VPS41: variants seen among roughly 807,000 people sequenced by gnomAD.
The protein encoded by VPS41 is VPS41 subunit of HOPS complex, also known as vacuolar protein sorting-associated protein 41 homolog.
In VPS41, 85 loss-of-function variants were observed where a neutral mutation model predicts 130.9. The observed-to-expected ratio is 0.65, with a 90% confidence interval of 0.55 to 0.78. The LOEUF (loss-of-function observed/expected upper bound fraction) is 0.78. VPS41 is among the 30% of genes least tolerant of loss of function. The pLI is 0.00. For synonymous variants in VPS41, 335 were observed against 332.9 expected (o/e 1.01, Z -0.07); for missense variants, 874 against 1,018.7 (o/e 0.86, Z 1.93).
chr7:38,799,921 T>TG (rs1562591181), intron 7 of VPS41, among the ~76,000 whole-genome samples: 2 of 151,024 alleles, frequency 1.3e-5, no homozygotes, highest in Admixed American at 1.3e-4. Flanking sequence ...GTATGTGGGG[T>TG]GGGGGGTACA....
Position 38,723,995 on chromosome 7 carries a change from G to A in VPS41, c.*2251C>T, listed in dbSNP as rs1795487508. On this transcript the variant is annotated 3_prime_UTR_variant, in exon 29 of 29. Coordinates refer to ENST00000310301, the MANE Select transcript of VPS41 (RefSeq NM_014396.4). ...AGAAAAGACATTCTAAGGAACGAAA[G>A]CTAGTGTTTTTTATTAACGATAAAA... The A allele has an allele frequency of 6.6e-6, 1 of 152,120 alleles. No homozygotes were observed. Among genetic ancestry groups the A allele is most frequent in the Non-Finnish European group, 1.5e-5 (1 of 68,008 alleles). 9.4% of individuals were successfully genotyped at this position (152,120 alleles called of 1,614,324 possible).
chr7:38,818,034 A>G, intron 6 of VPS41, 152 bp from the exon 7 acceptor site: 1 of 643,014 alleles, frequency 1.6e-6, no homozygotes, highest in Non-Finnish European at 2.8e-6. Context: ...ACAACAACTG[A>G]TGACATCTGA....
At chr7:38,743,614 T>C in intron 23 of VPS41, 72 bp from the exon 24 acceptor site, 2 of 1,538,568 alleles carry the variant, frequency 1.3e-6, no homozygotes, top group East Asian at 4.7e-5. Context: ...AAATTGCATA[T>C]CTCTTAATTT....
At chr7:38,766,418 G>A (rs1028474254) in intron 15 of VPS41, among the ~76,000 whole-genome samples, 3 of 152,186 alleles carry the variant, frequency 2.0e-5, no homozygotes, top group African/African-American at 7.2e-5. Context: ...CATAAGCAGA[G>A]GCACTTTCTT....
At chr7:38,858,058 A>G (rs1280024586) in intron 4 of VPS41, among the ~76,000 whole-genome samples, 1 of 152,212 alleles carries the variant, frequency 6.6e-6, no homozygotes, top group African/African-American at 2.4e-5. Context: ...ACTATGTAGA[A>G]GAAGTCTTAT....
chr7:38,810,920 T>G (rs956935143), intron 7 of VPS41, among the ~76,000 whole-genome samples: 14 of 152,190 alleles, frequency 9.2e-5, no homozygotes, highest in African/African-American at 3.4e-4. Context: ...TAGTTTCTGC[T>G]GCTAGTTTAA....
chr7:38,874,971 T>C (rs1786456296), intron 2 of VPS41, among the ~76,000 whole-genome samples: 1 of 152,160 alleles, frequency 6.6e-6, no homozygotes, highest in Non-Finnish European at 1.5e-5. Context: ...ATAATTCAAT[T>C]TGTAGAAGCC....
intron 5 of VPS41, among the ~76,000 whole-genome samples, chr7:38,822,850 G>T (rs1413364153): frequency 6.6e-6 from 1 of 152,228 alleles, no homozygotes; most frequent in East Asian, 1.9e-4. Context: ...CCTCCAAAGT[G>T]ATGGTTATTT....
At chr7:38,739,544 A>C in intron 25 of VPS41, among the ~76,000 whole-genome samples, 1 of 152,246 alleles carries the variant, frequency 6.6e-6, no homozygotes, top group East Asian at 1.9e-4. Flanking sequence ...TTATGTAAAA[A>C]GAGCAGAAAA....
rs571961028 is a variant in VPS41 at position 38,733,095 on chromosome 7, C to T, written c.2260-4304G>A. 4.6e-5 allele frequency among the ~76,000 whole-genome samples: 7 copies of T among 152,182 alleles called. No individual in the cohort carries two copies. In the East Asian group the frequency reaches 7.7e-4, roughly 17 times the overall value. On this transcript the variant is annotated intron_variant, in intron 25 of 28. Transcript: ENST00000310301. Reference sequence around the variant, plus strand: ...CGTTCACCTCAGCCTCCCAAAGTGACGAGATTACAGGCATGAACCACCGTA... The same window carrying T: ...CGTTCACCTCAGCCTCCCAAAGTGATGAGATTACAGGCATGAACCACCGTA...
intron 10 of VPS41, among the ~76,000 whole-genome samples, chr7:38,782,058 T>C (rs1400380863): frequency 6.6e-6 from 1 of 152,234 alleles, no homozygotes; most frequent in African/African-American, 2.4e-5. Context: ...GCAGATTGCT[T>C]TCTGAGATTT....
chr7:38,863,006 C>T (rs970463234), intron 3 of VPS41, among the ~76,000 whole-genome samples: 2 of 152,170 alleles, frequency 1.3e-5, no homozygotes, highest in African/African-American at 4.8e-5. Flanking sequence ...TAATTTATGG[C>T]AAATGTGTAA....
intron 4 of VPS41, among the ~76,000 whole-genome samples, chr7:38,840,732 G>C (rs989865888): frequency 1.3e-5 from 2 of 152,090 alleles, no homozygotes; most frequent in Non-Finnish European, 2.9e-5. Flanking sequence ...CAAAAATTAA[G>C]ACGCTGAAAA....
At chr7:38,894,112 T>C (rs562058928) in intron 2 of VPS41, among the ~76,000 whole-genome samples, 23 of 152,104 alleles carry the variant, frequency 1.5e-4, no homozygotes, top group Non-Finnish European at 2.4e-4. Context: ...TAGAAATATA[T>C]AAGGAAAATG....
intron 21 of VPS41, among the ~76,000 whole-genome samples, chr7:38,752,858 A>G (rs1239146053): frequency 1.3e-5 from 2 of 152,182 alleles, no homozygotes; most frequent in East Asian, 3.9e-4. Context: ...ACTCATTTCC[A>G]TACATTCTGC....
Position 38,869,218 on chromosome 7 carries a change from A to T in VPS41, c.96T>A (p.Tyr32Ter). The change falls in exon 3 of 29, where the codon TAT (tyrosine) becomes TAA (stop). Residue 32 changes from tyrosine (Y) to a stop codon, truncating the protein, a stop_gained. Coordinates refer to ENST00000310301, the MANE Select transcript of VPS41 (RefSeq NM_014396.4). LOFTEE classifies it high-confidence loss of function. ...EESEEEPKLK[Y>*]ERLSNGVTEI... ...CAGTTACCCCATTGGAAAGCCTTTC[A>T]TACTTCAGCTTGGGTTCCTCTTCGC... The T allele has an allele frequency of 6.2e-7, 1 of 1,612,828 alleles. No homozygotes were observed. Among genetic ancestry groups the T allele is most frequent in the Non-Finnish European group, 8.5e-7 (1 of 1,179,184 alleles).
rs1795468772 is a variant in VPS41, at chr7:38,723,037, A to G, written c.*3209T>C. On this transcript the variant is annotated 3_prime_UTR_variant, in exon 29 of 29. Transcript: ENST00000310301. ...TATAATAAAGCAAGCTAAAGAAAAT[A>G]GTAAGAAAATCATAAGGAAAAGAAA... is the stretch of plus-strand genomic sequence containing the variant. 6.6e-6 allele frequency: 1 copy of G among 152,220 alleles called. No homozygotes were observed. Among genetic ancestry groups the G allele is most frequent in the African/African-American group, 2.4e-5 (1 of 41,462 alleles). The allele number at this position is 152,220 out of a possible 1,614,324, so 9.4% of individuals were successfully genotyped here.
At chr7:38,793,111 G>A (rs1784562681) in intron 9 of VPS41, among the ~76,000 whole-genome samples, 1 of 152,070 alleles carries the variant, frequency 6.6e-6, no homozygotes, top group South Asian at 2.1e-4. Context: ...CTGTTAAAAT[G>A]TTCTCCTTTT....
In VPS41 at chr7:38,763,562, G is replaced by T; in HGVS notation, c.1330-15C>A. The T allele has an allele frequency of 1.3e-6, 2 of 1,545,208 alleles. No homozygotes were observed. The highest frequency in any genetic ancestry group is 1.2e-5 in the South Asian group (1 of 82,156). On this transcript the variant is annotated splice_polypyrimidine_tract_variant and intron_variant, in intron 16 of 28. Coordinates refer to ENST00000310301, the MANE Select transcript of VPS41 (RefSeq NM_014396.4). ...GGACTAATAGCCTAGGTAAGGAAAA[G>T]GGAAAAAAAAGTCCATTAAAATATG...
Sources: allele counts gnomAD v4.1 joint callset (sites outside exome capture counted in the v4.1 genomes callset), GRCh38; gene constraint gnomAD v4.1.1; transcripts MANE v1.5; gene names NCBI Gene and HGNC (gene_info 2026-07-23, HGNC 2026-07-21).